The following PRCP variants were observed in gnomAD, a reference collection of about 807,000 sequenced individuals.
The protein encoded by PRCP is prolylcarboxypeptidase, also known as lysosomal Pro-X carboxypeptidase.
PRCP carries 46 observed loss-of-function variants against 54.2 expected under a neutral mutation model. The observed-to-expected ratio is 0.85, with a 90% CI of 0.67 to 1.09. PRCP has a LOEUF of 1.09. Ranked by LOEUF, PRCP falls within the 50% of genes least tolerant of loss-of-function variation. PRCP has a pLI of 0.00. For synonymous variants in PRCP, 240 were observed against 212.2 expected (o/e 1.13, Z -1.14); for missense variants, 613 against 596.8 (o/e 1.03, Z -0.28).
At chr11:82,890,461 C>A (rs1358205908) in intron 1 of PRCP, among the ~76,000 whole-genome samples, 3 of 152,184 alleles carry the variant, frequency 2.0e-5, no homozygotes, top group Non-Finnish European at 4.4e-5. Flanking sequence ...GATCCCATTT[C>A]CTCTTGCCTA....
At chr11:82,852,545 G>C (rs7107261) in intron 3 of PRCP, among the ~76,000 whole-genome samples, 296 of 152,238 alleles carry the variant, frequency 1.9e-3, no homozygotes, top group Non-Finnish European at 3.1e-3. Context: ...GCTGATTAAA[G>C]AAAAATATTA....
chr11:82,897,675 T>C (rs756217209), intron 1 of PRCP, among the ~76,000 whole-genome samples: 4 of 152,238 alleles, frequency 2.6e-5, no homozygotes, highest in Non-Finnish European at 5.9e-5. Flanking sequence ...TGGGGAATTA[T>C]GGCAGAATAT....
chr11:82,863,918 G>C (rs1160417369), intron 1 of PRCP, among the ~76,000 whole-genome samples: 1 of 152,192 alleles, frequency 6.6e-6, no homozygotes, highest in Admixed American at 6.5e-5. Flanking sequence ...ACCTGAACTT[G>C]AATCTCTTCT....
intron 2 of PRCP, among the ~76,000 whole-genome samples, chr11:82,854,752 A>G (rs1447360054): frequency 6.6e-6 from 1 of 152,232 alleles, no homozygotes; most frequent in Non-Finnish European, 1.5e-5. Flanking sequence ...CAGAGGCATC[A>G]CACTACCTGA....
At position 82,825,061 on chromosome 11, in the gene PRCP, C is replaced by T. The variant is rs557860002; in HGVS notation, c.1336G>A (p.Val446Ile). The T allele has an allele frequency of 2.5e-6, 4 of 1,614,026 alleles. No homozygotes were observed. The highest frequency in any genetic ancestry group is 1.6e-4 in the Middle Eastern group (1 of 6,062). The change falls in exon 9 of 9, where the codon GTT (valine) becomes ATT (isoleucine). Residue 446 changes from valine to isoleucine, a missense_variant. By Grantham distance (29) the Val-to-Ile change is conservative. Transcript: ENST00000313010. ...GCCCCCTCTGAGATGGTGACTGCAACCAGAGTGTCTGTGATATCCTTAGTT... is the reference window on the plus strand; with the variant it reads ...GCCCCCTCTGAGATGGTGACTGCAATCAGAGTGTCTGTGATATCCTTAGTT... ...GVTKDITDTL[V>I]AVTISEGAHH...
chr11:82,845,047 AAC>A (rs142286827), intron 6 of PRCP, among the ~76,000 whole-genome samples: 50,292 of 144,230 alleles, frequency 0.35, 9,426 homozygotes, highest in African/African-American at 0.53. Flanking sequence ...AAAAAAAAAA[AAC>A]AACTGTAAAA....
chr11:82,884,464 G>A (rs933260597), intron 1 of PRCP, among the ~76,000 whole-genome samples: 1 of 152,090 alleles, frequency 6.6e-6, no homozygotes, highest in African/African-American at 2.4e-5. Context: ...AGCTGAGATG[G>A]GAGAACTGAT....
rs552824318 is a variant in PRCP at position 82,896,525 on chromosome 11, A to T, written c.168+3710T>A. ...ACCCTGTCTGTATTTTAAAAACTGCAAAAATTAGCCAGGCGTGGTGGCGGG... is the reference window on the plus strand; with the variant it reads ...ACCCTGTCTGTATTTTAAAAACTGCTAAAATTAGCCAGGCGTGGTGGCGGG... On this transcript the variant is annotated intron_variant, in intron 1 of 8. Coordinates refer to ENST00000313010, the MANE Select transcript of PRCP (RefSeq NM_005040.4). 3.3e-5 allele frequency among the ~76,000 whole-genome samples: 5 copies of T among 151,992 alleles called. No homozygotes were observed. In the South Asian group the frequency reaches 1.0e-3, roughly 32 times the overall value.
intron 6 of PRCP, chr11:82,845,604 C>A (rs763728841): frequency 6.6e-6 from 1 of 152,180 alleles, no homozygotes; most frequent in South Asian, 2.1e-4. Flanking sequence ...CCAGAGAGGT[C>A]GCATACATTA....
chr11:82,888,453 TAA>T (rs2121262283), intron 1 of PRCP, among the ~76,000 whole-genome samples: 1 of 152,252 alleles, frequency 6.6e-6, no homozygotes, highest in Admixed American at 6.5e-5. Flanking sequence ...ACCGAAATCA[TAA>T]AAAGTTTACT....
At chr11:82,884,137 T>G (rs765830312) in intron 1 of PRCP, among the ~76,000 whole-genome samples, 5 of 152,186 alleles carry the variant, frequency 3.3e-5, no homozygotes, top group Non-Finnish European at 7.3e-5. Flanking sequence ...AACAAGTACT[T>G]CCTTACTTTC....
chr11:82,833,034 C>T (rs548050293), intron 8 of PRCP, among the ~76,000 whole-genome samples: 1 of 152,368 alleles, frequency 6.6e-6, no homozygotes, highest in East Asian at 1.9e-4. Context: ...AGCATCTTTA[C>T]ACAGTCTTGC....
At chr11:82,867,589 G>A (rs10898044) in intron 1 of PRCP, among the ~76,000 whole-genome samples, 1 of 152,040 alleles carries the variant, frequency 6.6e-6, no homozygotes, top group Non-Finnish European at 1.5e-5. Context: ...AAGAATTACC[G>A]GGCCACAGCT....
At position 82,860,051 on chromosome 11, in the gene PRCP, A is replaced by G; in HGVS notation, c.235T>C (p.Trp79Arg). The change falls in exon 2 of 9, where the codon TGG (tryptophan) becomes CGG (arginine). Residue 79 changes from tryptophan (W) to arginine (R), a missense_variant. Physicochemically the swap from Trp to Arg is moderately radical, Grantham distance 101. Transcript: ENST00000313010. ...AGTATTGATCCACCATTTTTCTTCC[A>G]GTATTTATCAGCTACTAGGTACCGC... ...NQRYLVADKY[W>R]KKNGGSILFY... is the part of the protein sequence containing the mutation. The G allele has an allele frequency of 6.3e-7, 1 of 1,590,144 alleles. No individual in the cohort carries two copies. The highest frequency in any genetic ancestry group is 8.6e-7 in the Non-Finnish European group (1 of 1,168,896).
At chr11:82,834,581 G>C (rs1215371120) in intron 8 of PRCP, among the ~76,000 whole-genome samples, 1 of 152,226 alleles carries the variant, frequency 6.6e-6, no homozygotes, top group Non-Finnish European at 1.5e-5. Context: ...AAAAAGGAAT[G>C]AGATCATGTC....
intron 8 of PRCP, chr11:82,825,871 G>C (rs1379226740): frequency 2.0e-5 from 3 of 152,140 alleles, no homozygotes; most frequent in East Asian, 3.8e-4. Context: ...AATGTAAAGA[G>C]AATCAGTCAC....
chr11:82,889,729 T>C (rs1313023318), intron 1 of PRCP, among the ~76,000 whole-genome samples: 1 of 152,166 alleles, frequency 6.6e-6, no homozygotes, highest in East Asian at 1.9e-4. Context: ...GGAATGGGCA[T>C]ATGTGGTGAA....
chr11:82,877,286 AGTAG>A (rs1231185005), intron 1 of PRCP, among the ~76,000 whole-genome samples: 1 of 152,248 alleles, frequency 6.6e-6, no homozygotes, highest in African/African-American at 2.4e-5. Flanking sequence ...CTGACGATGC[AGTAG>A]AAAAGAAAAA....
At chr11:82,896,678 CAAAAAAA>C (rs68047129) in intron 1 of PRCP, among the ~76,000 whole-genome samples, 1 of 55,674 alleles carries the variant, frequency 1.8e-5, no homozygotes, top group Non-Finnish European at 3.1e-5. Flanking sequence ...GACTCCAACT[CAAAAAAA>C]AAAAAAAAAA....
Sources: gnomAD v4.1 joint callset for allele counts (sites outside exome capture counted in the v4.1 genomes callset) on GRCh38, gnomAD v4.1.1 for gene constraint, MANE v1.5 for transcripts, NCBI Gene and HGNC (gene_info 2026-07-23, HGNC 2026-07-21) for gene names.